FLRT2: variants seen among roughly 807,000 people sequenced by gnomAD.
FLRT2 encodes the protein leucine-rich repeat transmembrane protein FLRT2.
FLRT2 carries 15 observed loss-of-function variants against 40.0 expected under a neutral mutation model. The ratio of observed to expected loss-of-function variants is 0.38; its 90% CI spans 0.25 to 0.58. The LOEUF is 0.58. FLRT2 is among the 20% of genes least tolerant of loss of function. The probability of loss-of-function intolerance (pLI) is 0.71; values close to 1 mark genes in which losing one functional copy is unlikely to be tolerated. For missense variants in FLRT2, 726 were observed against 840.0 expected, an observed-to-expected ratio of 0.86 and a Z score of 1.68; for synonymous variants, 380 against 336.8, an observed-to-expected ratio of 1.13 and a Z score of -1.41.
intron 1 of FLRT2, among the ~76,000 whole-genome samples, chr14:85,562,432 C>T (rs1890394151): frequency 6.6e-6 from 1 of 152,096 alleles, no homozygotes; most frequent in African/African-American, 2.4e-5. Context: ...CTGTGAAGAC[C>T]AAATGCAGGT....
chr14:85,549,258 C>T (rs753897448), intron 1 of FLRT2, among the ~76,000 whole-genome samples: 2 of 151,788 alleles, frequency 1.3e-5, no homozygotes, highest in Admixed American at 6.5e-5. Context: ...CCATGGATGG[C>T]AAAACTAAAA....
chr14:85,606,714 AG>A (rs1892634150), intron 1 of FLRT2, among the ~76,000 whole-genome samples: 1 of 150,694 alleles, frequency 6.6e-6, no homozygotes, highest in Admixed American at 6.6e-5. Flanking sequence ...TAGTGGAGAC[AG>A]GGTTTCACCA....
intron 1 of FLRT2, among the ~76,000 whole-genome samples, chr14:85,565,732 A>G (rs921724833): frequency 6.6e-6 from 1 of 152,206 alleles, no homozygotes; most frequent in East Asian, 1.9e-4. Flanking sequence ...GCATTAAAAG[A>G]ATCCTAGATT....
chr14:85,579,390 A>G (rs7147382), intron 1 of FLRT2, among the ~76,000 whole-genome samples: 129,389 of 152,166 alleles, frequency 0.85, 55,449 homozygotes, highest in African/African-American at 0.95. Context: ...ATACAGAGTT[A>G]ACTGTGACAA....
rs2139377629 is a variant in FLRT2 at position 85,625,727 on chromosome 14, C to T, written c.*2230C>T. On this transcript the variant is annotated 3_prime_UTR_variant, in exon 2 of 2. Transcript: ENST00000330753. ...TGACATGGGGGCTTTGTGTACTTAGCTGGATAATTCCCTTCTACTGTCCTC... is the reference window on the plus strand; with the variant it reads ...TGACATGGGGGCTTTGTGTACTTAGTTGGATAATTCCCTTCTACTGTCCTC... 6.0e-6 allele frequency: 1 copy of T among 167,138 alleles called. No individual in the cohort carries two copies. Among genetic ancestry groups the T allele is most frequent in the East Asian group, 1.9e-4 (1 of 5,172 alleles). The allele number at this position is 167,138 out of a possible 1,614,324, so 10.4% of individuals were successfully genotyped here.
chr14:85,552,380 C>A (rs72691293), intron 1 of FLRT2, among the ~76,000 whole-genome samples: 23,005 of 152,148 alleles, frequency 0.15, 2,140 homozygotes, highest in Admixed American at 0.22. Context: ...GAAGAGTTGC[C>A]ATGAGGATTA....
At chr14:85,587,327 G>A (rs898396579) in intron 1 of FLRT2, among the ~76,000 whole-genome samples, 1 of 149,946 alleles carries the variant, frequency 6.7e-6, no homozygotes, top group Non-Finnish European at 1.5e-5. Flanking sequence ...AGCTCATCTT[G>A]ATCATTGTAA....
Position 85,621,903 on chromosome 14 carries a change from C to A in FLRT2, c.389C>A (p.Ala130Asp). ...CAGACCATTTCACGGGCTGCTCTTG[C>A]CCAGCTCTTGAAGCTTGAAGAGCTG... ...NIQTISRAAL[A>D]QLLKLEELHL... Residue 130 changes from alanine to aspartate, a missense_variant, in exon 2 of 2, where the codon GCC (alanine) becomes GAC (aspartate). Ala to Asp is a moderately radical substitution (Grantham distance 126, BLOSUM62 -2). Coordinates refer to ENST00000330753, the MANE Select transcript of FLRT2 (RefSeq NM_013231.6). 2 of 1,604,578 alleles carry A rather than the reference C, an allele frequency of 1.2e-6. No individual in the cohort carries two copies. Among genetic ancestry groups the A allele is most frequent in the Non-Finnish European group, 8.5e-7 (1 of 1,174,630 alleles).
In FLRT2 at chr14:85,621,309, T is replaced by C; in HGVS notation, c.-206T>C. On this transcript the variant is annotated 5_prime_UTR_variant, in exon 2 of 2. The change abolishes an upstream ATG in the 5' untranslated region. Transcript: ENST00000330753. ...TTCTCCCTGTTGAATTTTTTGCACA[T>C]GGAGGACAGCAGCAAAGAGGGCAAC... 3.6e-6 allele frequency: 2 copies of C among 551,320 alleles called. No homozygotes were observed. Among genetic ancestry groups the C allele is most frequent in the South Asian group, 3.0e-5 (1 of 33,812 alleles). The allele number at this position is 551,320 out of a possible 1,614,324, so 34.2% of individuals were successfully genotyped here.
intron 1 of FLRT2, among the ~76,000 whole-genome samples, chr14:85,577,926 G>T (rs1211668597): frequency 6.6e-6 from 1 of 151,606 alleles, no homozygotes; most frequent in East Asian, 1.9e-4. Flanking sequence ...GGACTTGCGC[G>T]AGAAGGTCGT....
intron 1 of FLRT2, among the ~76,000 whole-genome samples, chr14:85,573,449 C>G (rs1037378100): frequency 3.3e-5 from 5 of 152,118 alleles, no homozygotes; most frequent in African/African-American, 1.2e-4. Context: ...AATGAAGAAG[C>G]AGTTTACGCC....
In FLRT2 at chr14:85,621,604, G is replaced by A. The variant is rs765183184; in HGVS notation, c.90G>A (p.Val30=). Residue 30 remains valine, a synonymous_variant, in exon 2 of 2, where the codon GTG becomes GTA. Coordinates refer to ENST00000330753, the MANE Select transcript of FLRT2 (RefSeq NM_013231.6). ...TTTCCCTGGGGCTCTACTCACAGGT[G>A]TCCAAACTCCTGGCCTGCCCTAGTG... ...LIISLGLYSQ[V]SKLLACPSVC... 8 of 1,614,068 alleles carry A rather than the reference G, an allele frequency of 5.0e-6. No individual in the cohort carries two copies. The highest frequency in any genetic ancestry group is 2.2e-5 in the East Asian group (1 of 44,862).
At chr14:85,544,700 T>G (rs1299616400) in intron 1 of FLRT2, among the ~76,000 whole-genome samples, 1 of 152,162 alleles carries the variant, frequency 6.6e-6, no homozygotes, top group Non-Finnish European at 1.5e-5. Context: ...AAATCTAAAT[T>G]TATATGGTTT....
intron 1 of FLRT2, among the ~76,000 whole-genome samples, chr14:85,605,953 A>T (rs2753623): frequency 3.3e-5 from 5 of 151,946 alleles, no homozygotes; most frequent in African/African-American, 9.7e-5. Flanking sequence ...TATTATATTG[A>T]GATGAAAGAT....
chr14:85,555,419 G>A (rs1374294830), intron 1 of FLRT2, among the ~76,000 whole-genome samples: 3 of 151,996 alleles, frequency 2.0e-5, no homozygotes, highest in South Asian at 2.1e-4. Flanking sequence ...AGTGGAAGGC[G>A]AAAAGCACAT....
chr14:85,630,570 C>T lies in FLRT2; in HGVS notation c.*7073C>T, dbSNP rs1326067910. 6.6e-6 allele frequency: 1 copy of T among 152,034 alleles called. No homozygotes were observed. The highest frequency in any genetic ancestry group is 1.5e-5 in the Non-Finnish European group (1 of 68,016). 9.4% of individuals were successfully genotyped at this position (152,034 alleles called of 1,614,324 possible). ...TGTTTTCCAGGAGAGTTAAATTTTG[C>T]TCATCAAAAATCTTTCTTGGAAGCT... On this transcript the variant is annotated 3_prime_UTR_variant, in exon 2 of 2. Transcript: ENST00000330753.
chr14:85,601,102 C>G (rs1892361142), intron 1 of FLRT2, among the ~76,000 whole-genome samples: 1 of 152,120 alleles, frequency 6.6e-6, no homozygotes, highest in African/African-American at 2.4e-5. Flanking sequence ...GAATGTTCAG[C>G]TGACCAGGGA....
chr14:85,597,793 A>G (rs899836123), intron 1 of FLRT2, among the ~76,000 whole-genome samples: 1 of 152,226 alleles, frequency 6.6e-6, no homozygotes, highest in Non-Finnish European at 1.5e-5. Context: ...GTTCAGAGAC[A>G]CAATTACTTC....
chr14:85,617,723 C>A (rs933212289), intron 1 of FLRT2, among the ~76,000 whole-genome samples: 1 of 152,120 alleles, frequency 6.6e-6, no homozygotes, highest in African/African-American at 2.4e-5. Context: ...TAGGTGTAAG[C>A]TGCTGTTGAT....
Sources: gnomAD v4.1 joint callset for allele counts (sites outside exome capture counted in the v4.1 genomes callset) on GRCh38, gnomAD v4.1.1 for gene constraint, MANE v1.5 for transcripts, NCBI Gene and HGNC (gene_info 2026-07-23, HGNC 2026-07-21) for gene names.